The following PRKCB variants were observed in gnomAD, a reference collection of about 807,000 sequenced individuals.
PRKCB encodes protein kinase C beta.
In PRKCB, 13 loss-of-function variants were observed where a neutral mutation model predicts 81.5. That is an observed-to-expected ratio of 0.16 (90% CI 0.10 to 0.25). The LOEUF is 0.25. Among genes scored for constraint, PRKCB ranks in the 10% least tolerant of loss-of-function variants. The pLI, the probability that PRKCB is intolerant of heterozygous loss-of-function variation, is 1.00. For synonymous variants in PRKCB, 335 were observed against 321.4 expected (o/e 1.04, Z -0.45); for missense variants, 509 against 875.7 (o/e 0.58, Z 5.29).
intron 3 of PRKCB, among the ~76,000 whole-genome samples, chr16:24,003,176 C>A (rs1353337315): frequency 1.3e-5 from 2 of 152,148 alleles, no homozygotes; most frequent in African/African-American, 4.8e-5. Context: ...ATGCCCACAC[C>A]TTTAGAAACA....
At position 24,216,044 on chromosome 16, in the gene PRKCB, T is replaced by A; in HGVS notation, c.*1228T>A. ...CTATTTCAAGGAAAACTGCTCTTTT[T>A]GAGAAACGTGGACCTAAACTACAAA... On this transcript the variant is annotated 3_prime_UTR_variant, in exon 17 of 17. Transcript: ENST00000643927. 1.0e-6 allele frequency: 1 copy of A among 984,984 alleles called. No individual in the cohort carries two copies. Among genetic ancestry groups the A allele is most frequent in the Non-Finnish European group, 1.2e-6 (1 of 829,816 alleles). 61.0% of individuals were successfully genotyped at this position (984,984 alleles called of 1,614,324 possible).
At chr16:24,042,078 T>C (rs1468856846) in intron 5 of PRKCB, among the ~76,000 whole-genome samples, 1 of 152,182 alleles carries the variant, frequency 6.6e-6, no homozygotes, top group Non-Finnish European at 1.5e-5. Flanking sequence ...GTTTAACTTT[T>C]ATTTGAACTT....
At chr16:23,917,733 T>C (rs1328080145) in intron 2 of PRKCB, among the ~76,000 whole-genome samples, 3 of 152,202 alleles carry the variant, frequency 2.0e-5, no homozygotes, top group Non-Finnish European at 2.9e-5. Flanking sequence ...TTCTACTTGG[T>C]TGAGGAAAGG....
At chr16:23,866,205 C>CT (rs1332629992) in intron 2 of PRKCB, among the ~76,000 whole-genome samples, 3 of 152,142 alleles carry the variant, frequency 2.0e-5, no homozygotes, top group Non-Finnish European at 4.4e-5. Context: ...CTGTTTCTTT[C>CT]TGAGAGTAAA....
intron 10 of PRKCB, among the ~76,000 whole-genome samples, chr16:24,165,879 CTTTCTTTTTT>C (rs999677114): frequency 2.0e-5 from 2 of 101,170 alleles, no homozygotes; most frequent in African/African-American, 7.3e-5. Context: ...TCTTTTCTTT[CTTTCTTTTTT>C]TTTTTTTTTT....
intron 3 of PRKCB, among the ~76,000 whole-genome samples, chr16:23,992,223 T>C (rs1964895456): frequency 6.6e-6 from 1 of 152,222 alleles, no homozygotes. Flanking sequence ...CAGGTTTTGG[T>C]ATTTTGTTAC....
At position 24,216,510 on chromosome 16, in the gene PRKCB, A is replaced by G. The variant is rs1426100006; in HGVS notation, c.*1694A>G. On this transcript the variant is annotated 3_prime_UTR_variant, in exon 17 of 17. Transcript: ENST00000643927. ...TTATCACAGTTCAAGTGATTTCCAG[A>G]AGTTCCAGGGCTTCTGAGAGACCAT... The G allele has an allele frequency of 4.1e-6, 4 of 985,272 alleles. No individual in the cohort carries two copies. The allele number at this position is 985,272 out of a possible 1,614,324, so 61.0% of individuals were successfully genotyped here.
intron 2 of PRKCB, among the ~76,000 whole-genome samples, chr16:23,964,110 A>G (rs1364224127): frequency 1.3e-5 from 2 of 152,262 alleles, no homozygotes; most frequent in Admixed American, 1.3e-4. Context: ...TGAGATATAC[A>G]TTTTAATTAA....
intron 3 of PRKCB, among the ~76,000 whole-genome samples, chr16:24,021,040 C>CTCTT: frequency 2.8e-5 from 2 of 72,404 alleles, no homozygotes; most frequent in Middle Eastern, 6.8e-3. Flanking sequence ...TTCTTTCTTT[C>CTCTT]TCTTTCTTTC....
chr16:24,205,539 G>A lies in PRKCB; in HGVS notation c.1864-9119G>A, dbSNP rs576854121. Among the ~76,000 whole-genome samples, 3 of 152,222 alleles carry A rather than the reference G, an allele frequency of 2.0e-5. No homozygotes were observed. In the East Asian group the frequency reaches 5.8e-4, roughly 29 times the overall value. On this transcript the variant is annotated intron_variant, in intron 16 of 16. Coordinates refer to ENST00000643927, the MANE Select transcript of PRKCB (RefSeq NM_002738.7). ...GAGTCTGGATCTCTTGTCAAATCTA[G>A]GATCAAATCGTGGTCAGATACTTAA...
chr16:23,883,015 A>G (rs555987117), intron 2 of PRKCB, among the ~76,000 whole-genome samples: 85 of 152,326 alleles, frequency 5.6e-4, no homozygotes, highest in African/African-American at 2.0e-3. Context: ...GGAAACATCT[A>G]TTCATTAAAC....
At chr16:24,171,231 C>T (rs1396280124) in intron 10 of PRKCB, among the ~76,000 whole-genome samples, 2 of 152,152 alleles carry the variant, frequency 1.3e-5, no homozygotes, top group African/African-American at 4.8e-5. Flanking sequence ...AGCCTTGTCT[C>T]GAGTGAAGGA....
At chr16:23,967,763 C>T (rs1207150991) in intron 2 of PRKCB, among the ~76,000 whole-genome samples, 3 of 152,190 alleles carry the variant, frequency 2.0e-5, no homozygotes, top group Non-Finnish European at 4.4e-5. Context: ...AGAGATTCTC[C>T]TGCCTCAGCC....
intron 2 of PRKCB, among the ~76,000 whole-genome samples, chr16:23,874,717 G>A (rs1962967993): frequency 6.6e-6 from 1 of 152,120 alleles, no homozygotes; most frequent in Admixed American, 6.5e-5. Context: ...CCACCAATGT[G>A]TAATCACTGA....
At chr16:23,848,551 C>T (rs527751142) in intron 2 of PRKCB, among the ~76,000 whole-genome samples, 10 of 152,156 alleles carry the variant, frequency 6.6e-5, no homozygotes, top group Non-Finnish European at 1.2e-4. Context: ...TATCCTTAGA[C>T]GCGGAGGGCC....
chr16:24,093,442 A>T (rs923546857), intron 6 of PRKCB, among the ~76,000 whole-genome samples: 10 of 152,152 alleles, frequency 6.6e-5, no homozygotes, highest in Admixed American at 2.6e-4. Context: ...AGGCATCAGG[A>T]GTTGGTTATA....
Position 24,146,734 on chromosome 16 carries a change from C to T in PRKCB, c.1066-7950C>T, listed in dbSNP as rs117602037. Among the ~76,000 whole-genome samples, 198 of 152,256 alleles carry T rather than the reference C, an allele frequency of 1.3e-3. 3 individuals are homozygous for T. The East Asian group carries it at 0.02, about 15-fold the overall frequency. On this transcript the variant is annotated intron_variant, in intron 9 of 16. Transcript: ENST00000643927. Reference sequence around the variant, plus strand: ...GTTCTGCTATTTATCACATCTCTCCCAGAAGATTCTTGGGGGAACAGATGT... The same window carrying T: ...GTTCTGCTATTTATCACATCTCTCCTAGAAGATTCTTGGGGGAACAGATGT...
Position 24,215,505 on chromosome 16 carries a change from A to T in PRKCB, c.*689A>T. 1 of 985,718 alleles carries T rather than the reference A, an allele frequency of 1.0e-6. No individual in the cohort carries two copies. Among genetic ancestry groups the T allele is most frequent in the Non-Finnish European group, 1.2e-6 (1 of 829,886 alleles). The allele number at this position is 985,718 out of a possible 1,614,324, so 61.1% of individuals were successfully genotyped here. A position where few individuals can be genotyped will look rare whatever the true frequency, so the allele number is the denominator to read the frequency against. ...CTTTGCTCACCCTCATCCCCAAACTACTTGAAAAGGGCATTTGGCACCACT... is the reference window on the plus strand; with the variant it reads ...CTTTGCTCACCCTCATCCCCAAACTTCTTGAAAAGGGCATTTGGCACCACT... On this transcript the variant is annotated 3_prime_UTR_variant, in exon 17 of 17. Coordinates refer to ENST00000643927, the MANE Select transcript of PRKCB (RefSeq NM_002738.7).
At chr16:23,966,185 C>T (rs1390449558) in intron 2 of PRKCB, among the ~76,000 whole-genome samples, 1 of 152,244 alleles carries the variant, frequency 6.6e-6, no homozygotes, top group Admixed American at 6.5e-5. Context: ...TTTGTAACTG[C>T]TTCCAACCAT....
Sources: gnomAD v4.1 joint callset for allele counts (sites outside exome capture counted in the v4.1 genomes callset) on GRCh38, gnomAD v4.1.1 for gene constraint, MANE v1.5 for transcripts, NCBI Gene and HGNC (gene_info 2026-07-23, HGNC 2026-07-21) for gene names.